CLPB: variants seen among roughly 807,000 people sequenced by gnomAD.
CLPB encodes mitochondrial disaggregase.
CLPB carries 40 observed loss-of-function variants against 78.4 expected under a neutral mutation model. That is an observed-to-expected ratio of 0.51 (90% CI 0.40 to 0.66). The LOEUF (loss-of-function observed/expected upper bound fraction) is 0.66, where lower values mean the gene tolerates loss of function less well. Ranked by LOEUF, CLPB falls within the 30% of genes least tolerant of loss-of-function variation. The probability of loss-of-function intolerance (pLI) is 0.00; values close to 1 mark genes in which losing one functional copy is unlikely to be tolerated. For synonymous variants in CLPB, 333 were observed against 348.0 expected, an observed-to-expected ratio of 0.96 and a Z score of 0.48; for missense variants, 780 against 886.9, an observed-to-expected ratio of 0.88 and a Z score of 1.53.
At chr11:72,308,692 C>T (rs1949789432) in intron 7 of CLPB, 88 bp from the exon 8 acceptor site, 1 of 1,198,534 alleles carries the variant, frequency 8.3e-7, no homozygotes, top group Non-Finnish European at 1.2e-6. Context: ...ACTAAGTATA[C>T]AATATGTTTT....
At chr11:72,354,202 G>A (rs1349901249) in intron 5 of CLPB, 3 of 379,594 alleles carry the variant, frequency 7.9e-6, no homozygotes, top group Non-Finnish European at 1.4e-5. Context: ...TCTTAGCTGG[G>A]GGTTCTCCTT....
At chr11:72,294,495 AG>A in intron 13 of CLPB, 51 bp from the exon 14 acceptor site, 2 of 1,612,778 alleles carry the variant, frequency 1.2e-6, no homozygotes, top group South Asian at 2.2e-5. Context: ...AGAGCGGGTT[AG>A]GGAAATTACC....
chr11:72,411,447 CCTTA>C (rs1197966329), intron 2 of CLPB, among the ~76,000 whole-genome samples: 2 of 152,084 alleles, frequency 1.3e-5, no homozygotes, highest in Non-Finnish European at 2.9e-5. Flanking sequence ...TCTTTGTGGT[CCTTA>C]CTTTTATCTG....
chr11:72,295,416 C>T lies in CLPB; in HGVS notation c.1486+76G>A, dbSNP rs2298443. 2.5e-5 allele frequency: 38 copies of T among 1,541,108 alleles called. No homozygotes were observed. In the East Asian group the frequency reaches 8.5e-4, roughly 34 times the overall value. Reference sequence around the variant, plus strand: ...TAGAACCTTCACCTGGGCCCAGGGCCCCAATCCCATCCTTCCCCAGGAGAT... The same window carrying T: ...TAGAACCTTCACCTGGGCCCAGGGCTCCAATCCCATCCTTCCCCAGGAGAT... On this transcript the variant is annotated intron_variant, in intron 12 of 15. Coordinates refer to ENST00000538039, the MANE Select transcript of CLPB (RefSeq NM_001258392.3).
At chr11:72,407,099 G>A (rs916491285) in intron 2 of CLPB, among the ~76,000 whole-genome samples, 1 of 152,102 alleles carries the variant, frequency 6.6e-6, no homozygotes, top group African/African-American at 2.4e-5. Context: ...CTATCTCCCA[G>A]CCACCAAAAA....
At chr11:72,413,070 C>G (rs916621322) in intron 2 of CLPB, among the ~76,000 whole-genome samples, 5 of 152,146 alleles carry the variant, frequency 3.3e-5, no homozygotes, top group African/African-American at 1.2e-4. Context: ...AGGCGAGTCA[C>G]CTGAGGTCGG....
intron 7 of CLPB, among the ~76,000 whole-genome samples, chr11:72,309,410 T>G (rs542525003): frequency 6.6e-6 from 1 of 152,182 alleles, no homozygotes; most frequent in East Asian, 1.9e-4. Flanking sequence ...TCAGAAACAT[T>G]CTCAAGTATA....
chr11:72,401,762 C>T (rs767982168), intron 3 of CLPB, among the ~76,000 whole-genome samples: 1 of 152,232 alleles, frequency 6.6e-6, no homozygotes, highest in African/African-American at 2.4e-5. Context: ...ACTAAAGTGC[C>T]CACTCTGCTT....
intron 2 of CLPB, among the ~76,000 whole-genome samples, chr11:72,413,997 T>C (rs1350593227): frequency 1.3e-5 from 2 of 151,984 alleles, no homozygotes; most frequent in African/African-American, 4.8e-5. Context: ...TAGAGGAAGG[T>C]GCCATGAGAG....
intron 4 of CLPB, among the ~76,000 whole-genome samples, chr11:72,366,691 AC>A (rs1217584046): frequency 1.3e-5 from 2 of 152,148 alleles, no homozygotes; most frequent in African/African-American, 4.8e-5. Flanking sequence ...TGCAAATCAA[AC>A]CCACAATGAG....
intron 5 of CLPB, among the ~76,000 whole-genome samples, chr11:72,341,597 G>A (rs1272787445): frequency 1.3e-5 from 2 of 152,202 alleles, no homozygotes; most frequent in African/African-American, 2.4e-5. Context: ...TCCAGGCAAA[G>A]TGAATGAGGA....
chr11:72,375,111 G>A (rs1193910837), intron 4 of CLPB, among the ~76,000 whole-genome samples: 1 of 151,942 alleles, frequency 6.6e-6, no homozygotes, highest in Non-Finnish European at 1.5e-5. Context: ...TCACCTTTAG[G>A]AATCTCCAGA....
rs192770905 is a variant in CLPB at position 72,359,031 on chromosome 11, C to T, written c.647-23G>A. 12 of 1,612,434 alleles carry T rather than the reference C, an allele frequency of 7.4e-6. No homozygotes were observed. In the East Asian group the frequency reaches 2.7e-4, roughly 36 times the overall value. On this transcript the variant is annotated intron_variant, in intron 4 of 15. Coordinates refer to ENST00000538039, the MANE Select transcript of CLPB (RefSeq NM_001258392.3). ...GGACTGGGGAGACAGCAACACAAACCCTTCCATTAGCAACGACAGCATGAG... is the reference window on the plus strand; with the variant it reads ...GGACTGGGGAGACAGCAACACAAACTCTTCCATTAGCAACGACAGCATGAG...
At chr11:72,317,271 T>C (rs182737908) in intron 6 of CLPB, 51 bp from the exon 7 acceptor site, 13 of 1,355,266 alleles carry the variant, frequency 9.6e-6, no homozygotes, top group South Asian at 1.3e-5. Context: ...CATAGCACCA[T>C]AGCTTCACTC....
At chr11:72,396,764 T>C (rs536998537) in intron 3 of CLPB, among the ~76,000 whole-genome samples, 3 of 152,188 alleles carry the variant, frequency 2.0e-5, no homozygotes, top group African/African-American at 7.2e-5. Flanking sequence ...TGAGATATCA[T>C]CAACAATAAG....
intron 3 of CLPB, among the ~76,000 whole-genome samples, chr11:72,399,457 A>G (rs886301155): frequency 6.6e-6 from 1 of 152,192 alleles, no homozygotes; most frequent in African/African-American, 2.4e-5. Context: ...TTGGAAATAA[A>G]AGGAGAAAAT....
chr11:72,322,110 G>A (rs1003843986), intron 6 of CLPB, among the ~76,000 whole-genome samples: 3 of 152,116 alleles, frequency 2.0e-5, no homozygotes, highest in Admixed American at 6.5e-5. Context: ...CAAGGAATTT[G>A]AAAGTCTCTT....
chr11:72,343,935 A>G (rs1950464528), intron 5 of CLPB, among the ~76,000 whole-genome samples: 1 of 152,210 alleles, frequency 6.6e-6, no homozygotes, highest in Non-Finnish European at 1.5e-5. Flanking sequence ...CTGAATAATT[A>G]TGGCCCCATT....
At chr11:72,379,890 G>T (rs776382283) in intron 4 of CLPB, among the ~76,000 whole-genome samples, 13 of 152,210 alleles carry the variant, frequency 8.5e-5, no homozygotes, top group Admixed American at 2.6e-4. Context: ...AGGTAAGTCT[G>T]CAGGAAACAG....
Sources: allele counts gnomAD v4.1 joint callset (sites outside exome capture counted in the v4.1 genomes callset), GRCh38; gene constraint gnomAD v4.1.1; transcripts MANE v1.5; gene names NCBI Gene and HGNC (gene_info 2026-07-23, HGNC 2026-07-21).